The following SYNJ2 variants were observed in gnomAD, a reference collection of about 807,000 sequenced individuals.
SYNJ2 encodes the protein synaptojanin 2.
A neutral mutation model predicts 141.3 loss-of-function variants in SYNJ2; 116 were observed. That is an observed-to-expected ratio of 0.82 (90% CI 0.71 to 0.96). The LOEUF is 0.96. SYNJ2 is among the 40% of genes least tolerant of loss of function. The pLI is 0.00. For missense variants in SYNJ2, 1,873 were observed against 1,934.8 expected, an observed-to-expected ratio of 0.97 and a Z score of 0.60; for synonymous variants, 745 against 777.7, an observed-to-expected ratio of 0.96 and a Z score of 0.70.
At chr6:158,045,295 A>G (rs1562353261) in intron 5 of SYNJ2, among the ~76,000 whole-genome samples, 1 of 151,818 alleles carries the variant, frequency 6.6e-6, no homozygotes, top group African/African-American at 2.4e-5. Context: ...TTTTTAGTAG[A>G]GATGGAGTTT....
At chr6:158,047,240 G>T (rs1048043181) in intron 5 of SYNJ2, among the ~76,000 whole-genome samples, 3 of 152,148 alleles carry the variant, frequency 2.0e-5, no homozygotes, top group African/African-American at 7.2e-5. Flanking sequence ...CCTGACGCTT[G>T]TTCCAAGCTT....
chr6:158,063,677 AAAAAAAAAAAC>A, intron 8 of SYNJ2, 103 bp from the exon 9 acceptor site: 2 of 637,982 alleles, frequency 3.1e-6, no homozygotes, highest in East Asian at 3.7e-5. Flanking sequence ...AAAAAAAAAA[AAAAAAAAAAAC>A]CATGTTTCCT....
chr6:158,082,763 G>A (rs1782780358), intron 20 of SYNJ2, among the ~76,000 whole-genome samples: 1 of 152,238 alleles, frequency 6.6e-6, no homozygotes, highest in African/African-American at 2.4e-5. Flanking sequence ...ATTTTAGAGT[G>A]TAGTTCTCGC....
chr6:158,016,955 G>T, intron 1 of SYNJ2: 1 of 1,190,414 alleles, frequency 8.4e-7, no homozygotes, highest in South Asian at 2.9e-5. Context: ...CAGGACCCCA[G>T]CTCCTCCAGC....
Position 158,068,704 on chromosome 6 carries a change from G to A in SYNJ2, c.1775G>A (p.Ser592Asn), listed in dbSNP as rs750552881. ...AVGFEEMVEL[S>N]AGNIVNASTT... ...GGGTTTGAAGAGATGGTGGAATTGA[G>A]CGCAGGGAATATTGTCAATGCCAGG... Residue 592 changes from serine to asparagine, a missense_variant, in exon 13 of 27, where the codon AGC becomes AAC. By Grantham distance (46) the Ser-to-Asn change is conservative (BLOSUM62 1). Transcript: ENST00000355585. 14 of 1,614,242 alleles carry A rather than the reference G, an allele frequency of 8.7e-6. No homozygotes were observed. The East Asian group carries it at 2.7e-4, about 31-fold the overall frequency.
chr6:158,069,619 T>C lies in SYNJ2; in HGVS notation c.1886T>C (p.Leu629Pro), dbSNP rs1457260666. Residue 629 changes from leucine (L) to proline (P), a missense_variant, in exon 14 of 27, where the codon CTG becomes CCG. Physicochemically the swap from Leu to Pro is moderately conservative, Grantham distance 98. Transcript: ENST00000355585. ...TACATTCTGTTGACTTCGGCACAGC[T>C]GGTGGGCGTCTGTCTTTATATCTTT... ...HRYILLTSAQ[L>P]VGVCLYIFVR... The C allele has an allele frequency of 6.2e-7, 1 of 1,614,092 alleles. No homozygotes were observed. The highest frequency in any genetic ancestry group is 8.5e-7 in the Non-Finnish European group (1 of 1,179,952).
chr6:158,002,903 A>C (rs976780050), intron 1 of SYNJ2, among the ~76,000 whole-genome samples: 1 of 152,066 alleles, frequency 6.6e-6, no homozygotes, highest in Non-Finnish European at 1.5e-5. Flanking sequence ...GTTTTCCTGG[A>C]TTTCTTATTT....
intron 3 of SYNJ2, among the ~76,000 whole-genome samples, chr6:158,032,204 A>C (rs149612703): frequency 1.3e-5 from 2 of 151,968 alleles, no homozygotes; most frequent in African/African-American, 2.4e-5. Flanking sequence ...GTGGGGGTGC[A>C]TGTGGCTTTG....
rs200378750 is a variant in SYNJ2 at position 158,066,213 on chromosome 6, G to A, written c.1526-231G>A. Among the ~76,000 whole-genome samples the A allele has an allele frequency of 1.8e-4, 27 of 152,230 alleles. No homozygotes were observed. In the East Asian group the frequency reaches 5.2e-3, roughly 29 times the overall value. On this transcript the variant is annotated intron_variant, in intron 11 of 26. Transcript: ENST00000355585. ...TTCAGTTGGGGGTAGGGGTATAGAC[G>A]GTGAGTTTCCAGTCTTATGTTTTCA... is the stretch of plus-strand genomic sequence containing the variant.
chr6:158,051,867 G>A (rs1189558405), intron 5 of SYNJ2, among the ~76,000 whole-genome samples: 1 of 151,716 alleles, frequency 6.6e-6, no homozygotes, highest in Non-Finnish European at 1.5e-5. Flanking sequence ...GAGGTGGGAG[G>A]ATCATTTGAA....
rs2128319602 is a variant in SYNJ2 at position 158,000,582 on chromosome 6, C to G, written c.128-16622C>G. Among the ~76,000 whole-genome samples the G allele has an allele frequency of 2.6e-5, 4 of 152,260 alleles. 1 individual carries two copies. Among genetic ancestry groups the G allele is most frequent in the Admixed American group, 2.6e-4 (4 of 15,300 alleles). On this transcript the variant is annotated intron_variant, in intron 1 of 26. Transcript: ENST00000355585. Reference sequence around the variant, plus strand: ...ATCAGAAAGTCCTGAAAAATGAATTCTGGCCTGTTTTCTGGATTCTGGATT... The same window carrying G: ...ATCAGAAAGTCCTGAAAAATGAATTGTGGCCTGTTTTCTGGATTCTGGATT...
chr6:158,043,504 A>C lies in SYNJ2; in HGVS notation c.795+105A>C. On this transcript the variant is annotated intron_variant, in intron 5 of 26. Transcript: ENST00000355585. This position sits in a 1 kb window ranked among gnomAD's most constrained non-coding sequence, Gnocchi z 4.0. ...TTTTAACACGTTCGTTTCATGGCAT[A>C]GTTTCCAGTCTTTTTCCTCAGCCCT... is the stretch of plus-strand genomic sequence containing the variant. The C allele has an allele frequency of 1.2e-6, 1 of 800,592 alleles. No individual in the cohort carries two copies. The highest frequency in any genetic ancestry group is 2.0e-6 in the Non-Finnish European group (1 of 489,212). The allele number at this position is 800,592 out of a possible 1,614,324, so 49.6% of individuals were successfully genotyped here.
intron 1 of SYNJ2, among the ~76,000 whole-genome samples, chr6:157,992,916 C>T (rs1275094644): frequency 2.0e-5 from 3 of 152,188 alleles, no homozygotes; most frequent in African/African-American, 7.2e-5. Flanking sequence ...GGAGTGCAGA[C>T]ATCTGTTTGA....
At chr6:157,999,855 T>C (rs559480896) in intron 1 of SYNJ2, among the ~76,000 whole-genome samples, 1 of 152,160 alleles carries the variant, frequency 6.6e-6, no homozygotes, top group East Asian at 1.9e-4. Flanking sequence ...CTGGGAGACC[T>C]GTTCTCTTTC....
chr6:158,083,663 A>C, intron 21 of SYNJ2, 66 bp downstream of exon 21: 1 of 1,593,986 alleles, frequency 6.3e-7, no homozygotes, highest in Non-Finnish European at 8.6e-7. Context: ...GCTTTTAAGG[A>C]CACCTTCTAA....
intron 8 of SYNJ2, 25 bp from the exon 9 acceptor site, chr6:158,063,766 C>T (rs368409928): frequency 5.0e-5 from 79 of 1,590,544 alleles, no homozygotes; most frequent in African/African-American, 1.2e-4. Context: ...AACATATAAC[C>T]GTTTACATTT....
At position 158,093,028 on chromosome 6, in the gene SYNJ2, CGCCCCCACTCCTTCCCCGTCG is replaced by C; in HGVS notation, c.3677_3697del (p.Leu1226_Pro1232del). On this transcript the variant is annotated inframe_deletion, in exon 26 of 27. Transcript: ENST00000355585. ...GCAGCCAAACCAGAGACCCCACAGG[CGCCCCCACTCCTTCCCCGTCG>C]GCCCCCACCCAGAGTTCCTGCCATC... 6.2e-7 allele frequency: 1 copy of C among 1,612,188 alleles called. No individual in the cohort carries two copies. Among genetic ancestry groups the C allele is most frequent in the Non-Finnish European group, 8.5e-7 (1 of 1,179,506 alleles).
rs771187696 is a variant in SYNJ2, at chr6:158,017,264, G to A, written c.188G>A (p.Cys63Tyr). Residue 63 changes from cysteine (C) to tyrosine (Y), a missense_variant, in exon 2 of 27, where the codon TGC (cysteine) becomes TAC (tyrosine). Physicochemically the swap from Cys to Tyr is radical, Grantham distance 194. Coordinates refer to ENST00000355585, the MANE Select transcript of SYNJ2 (RefSeq NM_003898.4). ...QYGKLTDAYG[C>Y]LGELRLKSGG... ...GGCAAGCTCACGGACGCGTACGGCT[G>A]CCTGGGGGAGCTGAGGCTGAAATCT... 5.6e-6 allele frequency: 9 copies of A among 1,613,870 alleles called. No individual in the cohort carries two copies. Among genetic ancestry groups the A allele is most frequent in the Non-Finnish European group, 7.6e-6 (9 of 1,179,942 alleles).
chr6:158,031,254 C>T (rs1274407374), intron 3 of SYNJ2, among the ~76,000 whole-genome samples: 12 of 152,182 alleles, frequency 7.9e-5, no homozygotes, highest in Admixed American at 3.3e-4. Flanking sequence ...GAGCTCTCAG[C>T]GGCAGTGAGG....
Sources: allele counts gnomAD v4.1 joint callset (sites outside exome capture counted in the v4.1 genomes callset), GRCh38; gene constraint gnomAD v4.1.1; non-coding constraint Gnocchi (gnomAD v3.1); transcripts MANE v1.5; gene names NCBI Gene and HGNC (gene_info 2026-07-23, HGNC 2026-07-21).